CHD4: variants seen among roughly 807,000 people sequenced by gnomAD.
CHD4 encodes the protein ATP-dependent chromatin remodeler CHD4.
Under a neutral mutation model 235.5 loss-of-function variants are expected in CHD4, and 35 were observed. That is an observed-to-expected ratio of 0.15 (90% CI 0.11 to 0.20). The LOEUF (loss-of-function observed/expected upper bound fraction) is 0.20, where lower values mean the gene tolerates loss of function less well. Among genes scored for constraint, CHD4 ranks in the 10% least tolerant of loss-of-function variants. The probability of loss-of-function intolerance (pLI) is 1.00; values close to 1 mark genes in which losing one functional copy is unlikely to be tolerated. For synonymous variants in CHD4, 900 were observed against 850.2 expected (o/e 1.06, Z -1.02); for missense variants, 1,329 against 2,432.3 (o/e 0.55, Z 9.54).
chr12:6,571,138 A>C (rs937061612), intron 38 of CHD4, 106 bp from the exon 39 acceptor site: 2 of 1,328,152 alleles, frequency 1.5e-6, no homozygotes, highest in South Asian at 2.7e-5. Context: ...AGTAACTGTG[A>C]TGTATTGTCT....
chr12:6,576,452 C>A (rs1025714863), intron 37 of CHD4, among the ~76,000 whole-genome samples: 2 of 152,162 alleles, frequency 1.3e-5, no homozygotes, highest in Admixed American at 1.3e-4. Flanking sequence ...GTAGCTGGAA[C>A]TACAGGTGCA....
chr12:6,599,820 G>C lies in CHD4; in HGVS notation c.1435C>G (p.Pro479Ala), dbSNP rs1419328055. The change falls in exon 10 of 40, where the codon CCA (proline) becomes GCA (alanine). Residue 479 changes from proline (P) to alanine (A), a missense_variant. Transcript: ENST00000544040. ...SSYHIHCLNP[P>A]LPEIPNGEWL... ...TCACCGTTGGGGATCTCTGGAAGTG[G>C]GGGATTCAGGCAGTGGATGTGGTAG... 1.9e-6 allele frequency: 3 copies of C among 1,614,150 alleles called. No individual in the cohort carries two copies. The highest frequency in any genetic ancestry group is 2.5e-6 in the Non-Finnish European group (3 of 1,180,024).
chr12:6,577,441 A>C (rs958350077), intron 37 of CHD4, among the ~76,000 whole-genome samples: 1 of 144,944 alleles, frequency 6.9e-6, no homozygotes, highest in South Asian at 2.2e-4. Flanking sequence ...AAAAAAAAAC[A>C]ACCAGCAGCC....
intron 22 of CHD4, chr12:6,590,234 A>C (rs1346122369): frequency 6.6e-6 from 1 of 152,212 alleles, no homozygotes; most frequent in East Asian, 1.9e-4. Context: ...TAAGAAAATA[A>C]AGAAATGTCA....
rs895593638 is a variant in CHD4, at chr12:6,600,151, G to A, written c.1242+66C>T. On this transcript the variant is annotated intron_variant, in intron 9 of 39. Coordinates refer to ENST00000544040, the MANE Select transcript of CHD4 (RefSeq NM_001273.5). ...GCATTTCCATTTCCATCCAGGCCCC[G>A]AAGAGCTTTACTGTCCCACCCTTCT... is the stretch of plus-strand genomic sequence containing the variant. 159 of 1,561,320 alleles carry A rather than the reference G, an allele frequency of 1.0e-4. 1 individual carries two copies. The highest frequency in any genetic ancestry group is 1.3e-4 in the Non-Finnish European group (144 of 1,148,458).
At chr12:6,590,448 A>G (rs575568519) in intron 22 of CHD4, among the ~76,000 whole-genome samples, 3 of 152,336 alleles carry the variant, frequency 2.0e-5, no homozygotes, top group South Asian at 4.1e-4. Context: ...GTTGAACAGT[A>G]TACATGAACT....
In CHD4 at chr12:6,591,143, A is replaced by AC. The variant is rs1409757781; in HGVS notation, c.3340+322_3340+323insG. The AC allele has an allele frequency of 8.5e-4, 149 of 175,344 alleles. 5 individuals carry two copies. The highest frequency in any genetic ancestry group is 3.3e-3 in the African/African-American group (128 of 39,268). The allele number at this position is 175,344 out of a possible 1,614,324, so 10.9% of individuals were successfully genotyped here. ...ATCTCAAAAAAAAAAAAAAAAAAAA[A>AC]AAAAAAAACCTAGTAGCGTCTACTG... On this transcript the variant is annotated intron_variant, in intron 22 of 39. Transcript: ENST00000544040.
intron 12 of CHD4, among the ~76,000 whole-genome samples, chr12:6,597,018 C>T (rs1948511222): frequency 4.6e-5 from 7 of 150,860 alleles, no homozygotes; most frequent in Admixed American, 4.0e-4. Context: ...GCCTGTAATC[C>T]CAGCACTTTG....
Position 6,592,156 on chromosome 12 carries a change from C to T in CHD4, c.2949-99G>A, listed in dbSNP as rs1948411871. The stretch of plus-strand genomic sequence containing the variant: ...GAGATCTTTCTTCCAACACATCCCA[C>T]TTTGGAACTAAGGACACCTAACGCA... On this transcript the variant is annotated intron_variant, in intron 19 of 39. Transcript: ENST00000544040. 9 of 1,468,572 alleles carry T rather than the reference C, an allele frequency of 6.1e-6. No homozygotes were observed. In the South Asian group the frequency reaches 8.4e-5, roughly 14 times the overall value. The allele number at this position is 1,468,572 out of a possible 1,614,324, so 91.0% of individuals were successfully genotyped here.
At chr12:6,578,661 G>T in intron 34 of CHD4, 115 bp from the exon 35 acceptor site, 2 of 1,524,886 alleles carry the variant, frequency 1.3e-6, no homozygotes, top group Non-Finnish European at 9.0e-7. Flanking sequence ...TCTCCACCTG[G>T]GTGTCTCTCA....
At chr12:6,602,595 G>A in intron 2 of CHD4, 98 bp from the exon 3 acceptor site, 1 of 1,449,226 alleles carries the variant, frequency 6.9e-7, no homozygotes, top group Non-Finnish European at 9.4e-7. Flanking sequence ...CCCACCTCTT[G>A]TCCCAGATTC....
rs773476275 is a variant in CHD4, at chr12:6,591,787, A to G, written c.3129T>C (p.Ser1043=). Residue 1043 remains serine, a synonymous_variant, in exon 21 of 40, where the codon AGT becomes AGC. Coordinates refer to ENST00000544040, the MANE Select transcript of CHD4 (RefSeq NM_001273.5). ...PKMPNGMYDG[S]ALIRASGKLL... ...ATTTCCCAGATGCTCTGATTAGGGC[A>G]CTGCCATCATACATGCCATTAGGCA... 1 of 1,614,230 alleles carries G rather than the reference A, an allele frequency of 6.2e-7. No homozygotes were observed. Among genetic ancestry groups the G allele is most frequent in the Non-Finnish European group, 8.5e-7 (1 of 1,180,048 alleles).
chr12:6,583,360 G>A lies in CHD4; in HGVS notation c.3898C>T (p.Arg1300Trp), dbSNP rs1342499555. 2 of 1,611,690 alleles carry A rather than the reference G, an allele frequency of 1.2e-6. No homozygotes were observed. The highest frequency in any genetic ancestry group is 1.7e-6 in the Non-Finnish European group (2 of 1,178,396). The stretch of plus-strand genomic sequence containing the variant: ...CTTTCTTCCTGTTTAATGATTTCCC[G>A]TTCTACCTCCTCTTCCTCCTGGGAC... ...EEMGEEEEVE[R>W]EIIKQEESVD... The change falls in exon 26 of 40, where the codon CGG (arginine) becomes TGG (tryptophan). Residue 1300 changes from arginine (R) to tryptophan (W), a missense_variant. Arg to Trp is a moderately radical substitution (Grantham distance 101). Transcript: ENST00000544040.
intron 38 of CHD4, among the ~76,000 whole-genome samples, chr12:6,572,114 A>G (rs1947983586): frequency 6.6e-6 from 1 of 150,726 alleles, no homozygotes; most frequent in Admixed American, 6.6e-5. Flanking sequence ...CAACAAGAGC[A>G]AAATTCCACC....
Position 6,581,169 on chromosome 12 carries a change from G to A in CHD4, c.4784C>T (p.Thr1595Ile), listed in dbSNP as rs904678204. ...CTCTGAGGCAGGGGCAGGGGCCTGT[G>A]TACACTTCAAAGGAAAAAAAAACAA... is the stretch of plus-strand genomic sequence containing the variant. ...STAPETAIEC[T>I]QAPAPASEDE... is the part of the protein sequence containing the mutation. The change falls in exon 33 of 40, where the codon ACA becomes ATA. Residue 1595 changes from threonine (T) to isoleucine (I), a missense_variant. Around this residue, in one of 26 missense-constraint regions of CHD4, gnomAD observed 219 missense variants for 219.3 expected, o/e 1.00. Coordinates refer to ENST00000544040, the MANE Select transcript of CHD4 (RefSeq NM_001273.5). 1.5e-5 allele frequency: 25 copies of A among 1,613,210 alleles called. No homozygotes were observed. Among genetic ancestry groups the A allele is most frequent in the Non-Finnish European group, 2.0e-5 (24 of 1,179,866 alleles).
At position 6,570,652 on chromosome 12, in the gene CHD4, T is replaced by C; in HGVS notation, c.*24A>G. The C allele has an allele frequency of 6.2e-7, 1 of 1,614,072 alleles. No homozygotes were observed. Among genetic ancestry groups the C allele is most frequent in the African/African-American group, 1.3e-5 (1 of 75,018 alleles). ...AGTGAGGAAGGTCACTGCTCAGCGG[T>C]GGAGGTGGTATCAGTCTGCATCTTC... On this transcript the variant is annotated 3_prime_UTR_variant, in exon 40 of 40. Transcript: ENST00000544040.
At chr12:6,574,343 C>T (rs1948032314) in intron 37 of CHD4, among the ~76,000 whole-genome samples, 1 of 152,162 alleles carries the variant, frequency 6.6e-6, no homozygotes, top group Non-Finnish European at 1.5e-5. Context: ...ATGCATTCTC[C>T]TAATGCTGAA....
rs1225655935 is a variant in CHD4 at position 6,600,789 on chromosome 12, G to A, written c.928-120C>T. The A allele has an allele frequency of 8.0e-6, 12 of 1,508,186 alleles. No individual in the cohort carries two copies. The East Asian group carries it at 2.7e-4, about 34-fold the overall frequency. 93.4% of individuals were successfully genotyped at this position (1,508,186 alleles called of 1,614,324 possible). On this transcript the variant is annotated intron_variant, in intron 7 of 39. Transcript: ENST00000544040. The stretch of plus-strand genomic sequence containing the variant: ...ATCCCAGCAAGCACCGTTATACAGG[G>A]AGCCTAGTCTCATCTTGTTCTGTGG...
At chr12:6,578,755 A>G in intron 34 of CHD4, 91 bp downstream of exon 34, 1 of 1,402,996 alleles carries the variant, frequency 7.1e-7, no homozygotes, top group South Asian at 1.2e-5. Flanking sequence ...AAATGGCTAG[A>G]TGAGTATGGA....
Sources: allele counts gnomAD v4.1 joint callset (sites outside exome capture counted in the v4.1 genomes callset), GRCh38; gene constraint gnomAD v4.1.1; regional missense constraint gnomAD v4.1.1; transcripts MANE v1.5; gene names NCBI Gene and HGNC (gene_info 2026-07-23, HGNC 2026-07-21).